Variants in OCA2 observed in about 807,000 individuals in gnomAD.
OCA2 encodes the protein P protein.
Under a neutral mutation model 100.2 loss-of-function variants are expected in OCA2, and 77 were observed. The ratio of observed to expected loss-of-function variants is 0.77; its 90% confidence interval spans 0.64 to 0.93. The LOEUF (loss-of-function observed/expected upper bound fraction) is 0.93. OCA2 is among the 40% of genes least tolerant of loss of function. The pLI, the probability that OCA2 is intolerant of heterozygous loss-of-function variation, is 0.00. For synonymous variants in OCA2, 432 were observed against 439.2 expected, an observed-to-expected ratio of 0.98 and a Z score of 0.21; for missense variants, 1,062 against 1,089.1, an observed-to-expected ratio of 0.98 and a Z score of 0.35.
chr15:27,821,576 C>A (rs1264996418), intron 23 of OCA2, among the ~76,000 whole-genome samples: 2 of 151,906 alleles, frequency 1.3e-5, no homozygotes, highest in Non-Finnish European at 2.9e-5. Flanking sequence ...CACAATCATG[C>A]AGACATGGGC....
At chr15:28,044,862 T>C (rs1489621418) in intron 2 of OCA2, among the ~76,000 whole-genome samples, 1 of 152,248 alleles carries the variant, frequency 6.6e-6, no homozygotes, top group Non-Finnish European at 1.5e-5. Flanking sequence ...TTTAGCACTG[T>C]ATGTCTTTTT....
At chr15:27,868,025 G>A (rs2036392348) in intron 21 of OCA2, among the ~76,000 whole-genome samples, 1 of 152,174 alleles carries the variant, frequency 6.6e-6, no homozygotes, top group African/African-American at 2.4e-5. Context: ...GGAGGAGCTG[G>A]GGCAGGATCC....
intron 2 of OCA2, among the ~76,000 whole-genome samples, chr15:28,068,270 G>A (rs1362739260): frequency 1.3e-5 from 2 of 152,152 alleles, no homozygotes; most frequent in African/African-American, 2.4e-5. Context: ...AAATGACGAA[G>A]ATGACATTAC....
At position 28,099,279 on chromosome 15, in the gene OCA2, TG is replaced by T. The variant is rs1387941840; in HGVS notation, c.-78del. On this transcript the variant is annotated 5_prime_UTR_variant, in exon 1 of 24. Transcript: ENST00000354638. ...GAGTTTAAGGTCCGCACCTCCGCTC[TG>T]GATGGTGAGCGGAGCACAGCCTTCG... 6.6e-6 allele frequency: 1 copy of T among 152,280 alleles called. No individual in the cohort carries two copies. Among genetic ancestry groups the T allele is most frequent in the Admixed American group, 6.5e-5 (1 of 15,292 alleles). The allele number at this position is 152,280 out of a possible 1,614,324, so 9.4% of individuals were successfully genotyped here.
chr15:27,881,627 T>C (rs969604900), intron 19 of OCA2, among the ~76,000 whole-genome samples: 1 of 152,224 alleles, frequency 6.6e-6, no homozygotes, highest in Admixed American at 6.5e-5. Flanking sequence ...AATTTATCCA[T>C]TTCTTCTAGA....
At chr15:28,096,428 C>G (rs376249768) in intron 1 of OCA2, among the ~76,000 whole-genome samples, 5 of 152,294 alleles carry the variant, frequency 3.3e-5, no homozygotes, top group African/African-American at 9.6e-5. Context: ...ATGCTGTGAC[C>G]GTTGCATTTG....
intron 23 of OCA2, among the ~76,000 whole-genome samples, chr15:27,774,872 C>G (rs993637386): frequency 6.6e-6 from 1 of 152,162 alleles, no homozygotes; most frequent in African/African-American, 2.4e-5. Flanking sequence ...AGAACCAGCC[C>G]TCCTGGCACC....
chr15:28,070,312 G>T (rs1366615821), intron 2 of OCA2, among the ~76,000 whole-genome samples: 4 of 131,170 alleles, frequency 3.0e-5, no homozygotes, highest in Admixed American at 1.4e-4. Context: ...GAGGGAGGTG[G>T]GGGGGGGTCA....
At chr15:27,902,537 C>G (rs1224205559) in intron 19 of OCA2, among the ~76,000 whole-genome samples, 3 of 152,170 alleles carry the variant, frequency 2.0e-5, no homozygotes, top group African/African-American at 7.2e-5. Flanking sequence ...AAGACATCGC[C>G]AAGCCTATGG....
At chr15:28,038,078 C>T (rs2043097048) in intron 2 of OCA2, among the ~76,000 whole-genome samples, 1 of 151,710 alleles carries the variant, frequency 6.6e-6, no homozygotes, top group Non-Finnish European at 1.5e-5. Flanking sequence ...GTACTCTTCT[C>T]TCTTCTCCTC....
chr15:27,824,617 T>TATATATATATAATATA (rs1020369750), intron 23 of OCA2, among the ~76,000 whole-genome samples: 1 of 130,114 alleles, frequency 7.7e-6, no homozygotes, highest in African/African-American at 3.0e-5. Context: ...TATATATATA[T>TATATATATATAATATA]ATATAATATA....
intron 2 of OCA2, among the ~76,000 whole-genome samples, chr15:28,058,993 A>G (rs1207861260): frequency 6.6e-6 from 1 of 152,212 alleles, no homozygotes; most frequent in Non-Finnish European, 1.5e-5. Flanking sequence ...GAAGGGGCAC[A>G]TTCCCACTGG....
At chr15:28,060,730 C>T (rs1318929240) in intron 2 of OCA2, among the ~76,000 whole-genome samples, 1 of 152,218 alleles carries the variant, frequency 6.6e-6, no homozygotes, top group Non-Finnish European at 1.5e-5. Context: ...CTGCCATATC[C>T]CTTTACCCAG....
intron 23 of OCA2, among the ~76,000 whole-genome samples, chr15:27,787,910 T>C (rs1324161282): frequency 6.6e-6 from 1 of 152,092 alleles, no homozygotes; most frequent in Non-Finnish European, 1.5e-5. Context: ...ATATCTCATA[T>C]ATTTAATAGA....
intron 14 of OCA2, among the ~76,000 whole-genome samples, chr15:27,967,224 A>T (rs1390298584): frequency 6.6e-6 from 1 of 152,212 alleles, no homozygotes; most frequent in African/African-American, 2.4e-5. Context: ...AGAGCCCAGG[A>T]GGGAAGGGGC....
intron 23 of OCA2, among the ~76,000 whole-genome samples, chr15:27,830,065 C>T (rs2151308898): frequency 6.6e-6 from 1 of 152,252 alleles, no homozygotes; most frequent in East Asian, 1.9e-4. Flanking sequence ...TGATATGATT[C>T]TGTAATTCAT....
At chr15:27,857,448 G>C (rs1217152314) in intron 21 of OCA2, among the ~76,000 whole-genome samples, 2 of 152,166 alleles carry the variant, frequency 1.3e-5, no homozygotes, top group Non-Finnish European at 2.9e-5. Context: ...CAGGGTTTTA[G>C]TTTTGCAAGG....
At chr15:28,044,621 G>A (rs2043296346) in intron 2 of OCA2, among the ~76,000 whole-genome samples, 1 of 152,174 alleles carries the variant, frequency 6.6e-6, no homozygotes, top group Non-Finnish European at 1.5e-5. Flanking sequence ...TAAGAAGGGG[G>A]TATTGAAATC....
chr15:27,788,286 T>G (rs2032915015), intron 23 of OCA2, among the ~76,000 whole-genome samples: 1 of 152,114 alleles, frequency 6.6e-6, no homozygotes, highest in Non-Finnish European at 1.5e-5. Flanking sequence ...CTAATTTTTC[T>G]GTCTAGTTGC....
Sources: allele counts gnomAD v4.1 joint callset (sites outside exome capture counted in the v4.1 genomes callset), GRCh38; gene constraint gnomAD v4.1.1; transcripts MANE v1.5; gene names NCBI Gene and HGNC (gene_info 2026-07-23, HGNC 2026-07-21).